The following HPSE2 variants were observed in gnomAD, a reference collection of about 807,000 sequenced individuals.
HPSE2 encodes inactive heparanase-2.
Under a neutral mutation model 60.5 loss-of-function variants are expected in HPSE2, and 38 were observed. That is an observed-to-expected ratio of 0.63 (90% confidence interval 0.48 to 0.82). HPSE2 has a LOEUF of 0.82. Among genes scored for constraint, HPSE2 ranks in the 40% least tolerant of loss-of-function variants. The probability of loss-of-function intolerance (pLI) is 0.00; values close to 1 mark genes in which losing one functional copy is unlikely to be tolerated. For synonymous variants in HPSE2, 295 were observed against 293.2 expected, an observed-to-expected ratio of 1.01 and a Z score of -0.06; for missense variants, 713 against 740.4, an observed-to-expected ratio of 0.96 and a Z score of 0.43.
At position 98,950,521 on chromosome 10, in the gene HPSE2, G is replaced by GA. The variant is rs551838448; in HGVS notation, c.610+193716dup. Among the ~76,000 whole-genome samples the GA allele has an allele frequency of 5.9e-5, 9 of 152,038 alleles. No homozygotes were observed. The East Asian group carries it at 1.3e-3, about 23-fold the overall frequency. On this transcript the variant is annotated intron_variant, in intron 3 of 11. Transcript: ENST00000370552. ...TGGAAAAAATGATGCTATCCTTTTT[G>GA]AAAAAATCAATTATAGTTTTCCTGC...
chr10:98,622,451 C>T (rs1946098569), intron 7 of HPSE2, among the ~76,000 whole-genome samples: 1 of 152,156 alleles, frequency 6.6e-6, no homozygotes, highest in African/African-American at 2.4e-5. Flanking sequence ...TAATTCTCTG[C>T]ACCTGAGGGC....
chr10:98,599,302 G>A (rs548675994), intron 9 of HPSE2, among the ~76,000 whole-genome samples: 8 of 152,296 alleles, frequency 5.3e-5, no homozygotes, highest in East Asian at 1.9e-4. Context: ...CTGTATCCAC[G>A]GTGGCCAGCC....
At chr10:99,287,289 A>G in the HPSE2 span, among the ~76,000 whole-genome samples, 1 of 152,124 alleles carries the variant, frequency 6.6e-6, no homozygotes, top group African/African-American at 2.4e-5. Context: ...CCTTCAAGTT[A>G]TGATTAGGTA....
At chr10:99,162,515 A>G (rs1846885451) in intron 2 of HPSE2, among the ~76,000 whole-genome samples, 1 of 152,176 alleles carries the variant, frequency 6.6e-6, no homozygotes, top group Non-Finnish European at 1.5e-5. Flanking sequence ...TCCTGTCTTC[A>G]ATGCAGCCAC....
intron 9 of HPSE2, among the ~76,000 whole-genome samples, chr10:98,558,180 T>G (rs1024758597): frequency 6.6e-6 from 1 of 152,194 alleles, no homozygotes; most frequent in Non-Finnish European, 1.5e-5. Context: ...ACACTGCTGG[T>G]AGGAATATAA....
rs540328820 is a variant in HPSE2, at chr10:98,973,742, G to C, written c.610+170496C>G. On this transcript the variant is annotated intron_variant, in intron 3 of 11. Transcript: ENST00000370552. ...GCATTTTTGCCAAGGAAAAAAATAA[G>C]GGACCTGAGTTTTTCACTGGAATTT... Among the ~76,000 whole-genome samples the C allele has an allele frequency of 8.6e-4, 131 of 152,180 alleles. 1 individual carries two copies. The highest frequency in any genetic ancestry group is 3.0e-3 in the African/African-American group (124 of 41,530).
At chr10:98,670,069 A>T (rs926158410) in intron 6 of HPSE2, among the ~76,000 whole-genome samples, 1 of 152,184 alleles carries the variant, frequency 6.6e-6, no homozygotes, top group Non-Finnish European at 1.5e-5. Context: ...AAATGCAAAG[A>T]TCTAAAGTGG....
chr10:98,576,225 G>A (rs895086239), intron 9 of HPSE2, among the ~76,000 whole-genome samples: 13 of 151,942 alleles, frequency 8.6e-5, no homozygotes, highest in Admixed American at 1.3e-4. Flanking sequence ...CAAATCACCA[G>A]GGAAACAATA....
At chr10:99,161,852 TAAAAG>T (rs1846859861) in intron 2 of HPSE2, among the ~76,000 whole-genome samples, 1 of 152,110 alleles carries the variant, frequency 6.6e-6, no homozygotes, top group Admixed American at 6.6e-5. Context: ...TATTCAGCCT[TAAAAG>T]AAAGGAAATC....
chr10:99,299,411 GA>G, the HPSE2 span, among the ~76,000 whole-genome samples: 1 of 152,348 alleles, frequency 6.6e-6, no homozygotes, highest in East Asian at 1.9e-4. Context: ...TTTCTGCAAG[GA>G]AAAATTTGGT....
intron 2 of HPSE2, among the ~76,000 whole-genome samples, chr10:99,186,487 G>A (rs956324866): frequency 2.4e-5 from 3 of 123,228 alleles, no homozygotes; most frequent in Non-Finnish European, 3.2e-5. Context: ...AGGTTACAGT[G>A]AGCCAAGATT....
At chr10:98,605,423 C>G (rs1233565657) in intron 9 of HPSE2, among the ~76,000 whole-genome samples, 2 of 152,156 alleles carry the variant, frequency 1.3e-5, no homozygotes, top group Non-Finnish European at 2.9e-5. Flanking sequence ...TAGTGTATGT[C>G]ATAAGGTTCT....
intron 3 of HPSE2, among the ~76,000 whole-genome samples, chr10:98,810,259 C>T (rs572211629): frequency 2.0e-5 from 3 of 152,162 alleles, no homozygotes; most frequent in East Asian, 3.9e-4. Flanking sequence ...TGCAAGTGGG[C>T]TGCAACCAGG....
intron 3 of HPSE2, among the ~76,000 whole-genome samples, chr10:99,099,929 G>T (rs952071208): frequency 6.6e-6 from 1 of 152,178 alleles, no homozygotes; most frequent in African/African-American, 2.4e-5. Context: ...GCAGCTGAGG[G>T]TCCTGACTAT....
chr10:98,492,658 T>C (rs1259765922), intron 9 of HPSE2, among the ~76,000 whole-genome samples: 1 of 152,218 alleles, frequency 6.6e-6, no homozygotes, highest in Non-Finnish European at 1.5e-5. Context: ...ACCTGTCTGC[T>C]TTTCAATAGG....
chr10:99,123,080 T>C (rs1845022419), intron 3 of HPSE2, among the ~76,000 whole-genome samples: 4 of 152,116 alleles, frequency 2.6e-5, no homozygotes, highest in Admixed American at 2.6e-4. Context: ...GAAGAAAATG[T>C]TATATACTTA....
At position 99,043,319 on chromosome 10, in the gene HPSE2, C is replaced by A. The variant is rs541746691; in HGVS notation, c.610+100919G>T. Among the ~76,000 whole-genome samples the A allele has an allele frequency of 7.8e-4, 119 of 152,128 alleles. 1 individual carries two copies. Among genetic ancestry groups the A allele is most frequent in the African/African-American group, 2.7e-3 (112 of 41,482 alleles). Reference sequence around the variant, plus strand: ...CTAACACGGTGAAACCCCATCTCTACTAAAAATACAAAAAATTAGCTGGGC... The same window carrying A: ...CTAACACGGTGAAACCCCATCTCTAATAAAAATACAAAAAATTAGCTGGGC... On this transcript the variant is annotated intron_variant, in intron 3 of 11. Coordinates refer to ENST00000370552, the MANE Select transcript of HPSE2 (RefSeq NM_021828.5).
chr10:98,500,987 T>G (rs1942010965), intron 9 of HPSE2, among the ~76,000 whole-genome samples: 1 of 151,946 alleles, frequency 6.6e-6, no homozygotes, highest in Non-Finnish European at 1.5e-5. Flanking sequence ...CCTCCTAGCT[T>G]AAGTCAGGAA....
intron 9 of HPSE2, among the ~76,000 whole-genome samples, chr10:98,588,118 A>T (rs548927312): frequency 4.6e-5 from 7 of 152,350 alleles, no homozygotes; most frequent in Admixed American, 2.0e-4. Context: ...ATTCAGGCAA[A>T]GTCTTGGAAA....
Sources: allele counts gnomAD v4.1 joint callset (sites outside exome capture counted in the v4.1 genomes callset), GRCh38; gene constraint gnomAD v4.1.1; transcripts MANE v1.5; gene names NCBI Gene and HGNC (gene_info 2026-07-23, HGNC 2026-07-21).